The following CIT variants were observed in gnomAD, a reference collection of about 807,000 sequenced individuals.
The protein encoded by CIT is citron rho-interacting serine/threonine kinase, also known as citron Rho-interacting kinase.
A neutral mutation model predicts 272.7 loss-of-function variants in CIT; 79 were observed. That is an observed-to-expected ratio of 0.29 (90% CI 0.24 to 0.35). CIT has a LOEUF of 0.35. Among genes scored for constraint, CIT ranks in the 10% least tolerant of loss-of-function variants. CIT has a pLI of 1.00. For missense variants in CIT, 1,909 were observed against 2,618.3 expected (o/e 0.73, Z 5.91); for synonymous variants, 948 against 995.6 (o/e 0.95, Z 0.90).
chr12:119,711,042 T>A (rs1188670444), intron 37 of CIT: 1 of 1,367,506 alleles, frequency 7.3e-7, no homozygotes, highest in East Asian at 4.5e-5. Context: ...CCTCTGCATC[T>A]CTTTACCTGA....
chr12:119,769,034 G>C (rs1012416334), intron 18 of CIT, among the ~76,000 whole-genome samples: 1 of 150,920 alleles, frequency 6.6e-6, no homozygotes, highest in Non-Finnish European at 1.5e-5. Context: ...GAAGAAATCC[G>C]CTTATTTTTC....
intron 1 of CIT, among the ~76,000 whole-genome samples, chr12:119,876,532 C>A (rs1202110100): frequency 2.0e-5 from 3 of 152,148 alleles, no homozygotes; most frequent in South Asian, 2.1e-4. Context: ...CTGAAATAAG[C>A]AAAATATATA....
Position 119,718,727 on chromosome 12 carries a change from G to A in CIT, c.3975C>T (p.Arg1325=). 6.2e-7 allele frequency: 1 copy of A among 1,613,898 alleles called. No individual in the cohort carries two copies. Residue 1325 remains arginine, a synonymous_variant, in exon 31 of 48, where the codon CGC becomes CGT. Transcript: ENST00000392521. This position sits in a 1 kb window ranked among gnomAD's most constrained non-coding sequence, Gnocchi z 4.8. ...CCTCCCGGGCGGACCGGAGCTCGAT[G>A]CGGGTCTTCTGAAGGGCTTCCTCTA... is the stretch of plus-strand genomic sequence containing the variant. ...AELEEALQKT[R]IELRSAREEA...
intron 41 of CIT, among the ~76,000 whole-genome samples, chr12:119,703,421 CTTTTTTTT>C (rs34483318): frequency 3.8e-5 from 4 of 105,704 alleles, no homozygotes; most frequent in African/African-American, 1.6e-4. Flanking sequence ...CTTCATTTCA[CTTTTTTTT>C]TTTTTTTTTT....
At chr12:119,833,890 G>A (rs1968818898) in intron 6 of CIT, among the ~76,000 whole-genome samples, 196 bp downstream of exon 6, 1 of 152,152 alleles carries the variant, frequency 6.6e-6, no homozygotes, top group African/African-American at 2.4e-5. Flanking sequence ...TAGATCTATT[G>A]CACTGCTGGA....
chr12:119,808,631 T>C (rs1313281861), intron 9 of CIT, among the ~76,000 whole-genome samples: 4 of 152,136 alleles, frequency 2.6e-5, no homozygotes, highest in Non-Finnish European at 5.9e-5. Flanking sequence ...TCATAAAGGA[T>C]GAAGGCACAT....
At chr12:119,790,054 C>T (rs759139846) in intron 10 of CIT, among the ~76,000 whole-genome samples, 3 of 152,020 alleles carry the variant, frequency 2.0e-5, no homozygotes, top group Non-Finnish European at 4.4e-5. Context: ...ATCCTTCTGA[C>T]TTTCAAAGCA....
At chr12:119,761,897 T>C (rs1288716265) in intron 19 of CIT, among the ~76,000 whole-genome samples, 1 of 151,098 alleles carries the variant, frequency 6.6e-6, no homozygotes, top group Non-Finnish European at 1.5e-5. Context: ...GCCCTACGAG[T>C]TGCCAAAACA....
Position 119,773,926 on chromosome 12 carries a change from G to A in CIT, c.1942-1016C>T, listed in dbSNP as rs147332750. Reference sequence around the variant, plus strand: ...AATAAGGAAGCAGGGAGCAAATAGTGGATAAGCAATATGCAGTATGTCTAT... The same window carrying A: ...AATAAGGAAGCAGGGAGCAAATAGTAGATAAGCAATATGCAGTATGTCTAT... On this transcript the variant is annotated intron_variant, in intron 16 of 47. Transcript: ENST00000392521. Among the ~76,000 whole-genome samples, 858 of 152,186 alleles carry A rather than the reference G, an allele frequency of 5.6e-3. 9 individuals are homozygous for A. The highest frequency in any genetic ancestry group is 0.019 in the African/African-American group (801 of 41,508).
At chr12:119,798,823 C>T (rs1965952583) in intron 10 of CIT, among the ~76,000 whole-genome samples, 1 of 152,188 alleles carries the variant, frequency 6.6e-6, no homozygotes, top group Non-Finnish European at 1.5e-5. Flanking sequence ...ATTGGCATTA[C>T]CCATTAAGCG....
chr12:119,692,545 TATAA>T (rs1433166640), intron 46 of CIT, among the ~76,000 whole-genome samples: 1 of 152,254 alleles, frequency 6.6e-6, no homozygotes, highest in African/African-American at 2.4e-5. Context: ...TGCTTGTTTT[TATAA>T]ATACAGTTTT....
intron 20 of CIT, among the ~76,000 whole-genome samples, chr12:119,759,222 G>A (rs886979523): frequency 2.6e-5 from 4 of 152,200 alleles, no homozygotes; most frequent in South Asian, 4.1e-4. Flanking sequence ...GGAGGTGAGC[G>A]GCCAGCGAGC....
At chr12:119,857,455 G>C in intron 4 of CIT, 68 bp downstream of exon 4, 1 of 1,511,704 alleles carries the variant, frequency 6.6e-7, no homozygotes, top group Non-Finnish European at 9.1e-7. Flanking sequence ...CAGTGCAGCA[G>C]ATTATCGTCT....
rs975016689 is a variant in CIT, at chr12:119,804,689, T to C, written c.1112-1300A>G. Among the ~76,000 whole-genome samples the C allele has an allele frequency of 2.0e-5, 3 of 152,190 alleles. No individual in the cohort carries two copies. Among genetic ancestry groups the C allele is most frequent in the Non-Finnish European group, 4.4e-5 (3 of 68,044 alleles). ...TCTGGCTGTTTCCAAAGTTCCCCGA[T>C]GACAACAACATCCAAGTGGCGCTGG... is the stretch of plus-strand genomic sequence containing the variant. On this transcript the variant is annotated intron_variant, in intron 9 of 47. Coordinates refer to ENST00000392521, the MANE Select transcript of CIT (RefSeq NM_001206999.2). This position sits in a 1 kb window ranked among gnomAD's most constrained non-coding sequence, Gnocchi z 5.3.
intron 10 of CIT, among the ~76,000 whole-genome samples, chr12:119,794,698 C>T (rs977811818): frequency 1.3e-5 from 2 of 152,196 alleles, no homozygotes; most frequent in African/African-American, 4.8e-5. Flanking sequence ...AGGCCCCCCA[C>T]GTGGAGCTGG....
intron 9 of CIT, among the ~76,000 whole-genome samples, chr12:119,807,490 G>A (rs991133629): frequency 1.3e-5 from 2 of 151,834 alleles, no homozygotes; most frequent in African/African-American, 4.8e-5. Flanking sequence ...TTCAATAAAG[G>A]TATTTTTAGT....
At position 119,708,170 on chromosome 12, in the gene CIT, G is replaced by A; in HGVS notation, c.5211+9C>T. 1 of 1,551,714 alleles carries A rather than the reference G, an allele frequency of 6.4e-7. No homozygotes were observed. The highest frequency in any genetic ancestry group is 1.2e-5 in the South Asian group (1 of 82,076). On this transcript the variant is annotated intron_variant, in intron 40 of 47. Transcript: ENST00000392521. Reference sequence around the variant, plus strand: ...CATTCCACCAGCTAGGACTCTGAGGGGAGCTTACCTTGCCTGCCCCAAACA... The same window carrying A: ...CATTCCACCAGCTAGGACTCTGAGGAGAGCTTACCTTGCCTGCCCCAAACA...
chr12:119,798,124 G>A (rs1965892113), intron 10 of CIT, among the ~76,000 whole-genome samples: 1 of 152,046 alleles, frequency 6.6e-6, no homozygotes. Flanking sequence ...GTCTCTAAAT[G>A]AAAAGAGGAA....
At chr12:119,732,011 T>C (rs1488773808) in intron 26 of CIT, among the ~76,000 whole-genome samples, 1 of 151,882 alleles carries the variant, frequency 6.6e-6, no homozygotes, top group Non-Finnish European at 1.5e-5. Flanking sequence ...AATTTTTGTA[T>C]TTTTTGTAAA....
Sources: allele counts gnomAD v4.1 joint callset (sites outside exome capture counted in the v4.1 genomes callset), GRCh38; gene constraint gnomAD v4.1.1; non-coding constraint Gnocchi (gnomAD v3.1); transcripts MANE v1.5; gene names NCBI Gene and HGNC (gene_info 2026-07-23, HGNC 2026-07-21).